PAX5: variants seen among roughly 807,000 people sequenced by gnomAD.
PAX5 encodes the protein paired box 5, also known as paired box protein Pax-5.
In PAX5, 9 loss-of-function variants were observed where a neutral mutation model predicts 43.7. The observed-to-expected ratio is 0.21, with a 90% CI of 0.12 to 0.36. The LOEUF (loss-of-function observed/expected upper bound fraction) is 0.36, where lower values mean the gene tolerates loss of function less well. Among genes scored for constraint, PAX5 ranks in the 10% least tolerant of loss-of-function variants. The probability of loss-of-function intolerance (pLI) is 1.00; values close to 1 mark genes in which losing one functional copy is unlikely to be tolerated. For synonymous variants in PAX5, 228 were observed against 214.3 expected, an observed-to-expected ratio of 1.06 and a Z score of -0.56; for missense variants, 383 against 532.7, an observed-to-expected ratio of 0.72 and a Z score of 2.77.
intron 6 of PAX5, among the ~76,000 whole-genome samples, chr9:36,943,116 G>A (rs1345685818): frequency 2.0e-5 from 3 of 152,100 alleles, no homozygotes; most frequent in African/African-American, 2.4e-5. Flanking sequence ...CAGTCCCACC[G>A]TCCCCCATCT....
intron 8 of PAX5, among the ~76,000 whole-genome samples, chr9:36,855,608 GGTAGCACTTT>G (rs1400863391): frequency 1.3e-5 from 2 of 152,158 alleles, no homozygotes; most frequent in Non-Finnish European, 2.9e-5. Flanking sequence ...AGTGCCCACA[GGTAGCACTTT>G]GTGAAGATCA....
At chr9:36,857,569 C>T (rs1454174576) in intron 8 of PAX5, among the ~76,000 whole-genome samples, 4 of 152,200 alleles carry the variant, frequency 2.6e-5, no homozygotes, top group African/African-American at 9.6e-5. Context: ...CTAGGGTATC[C>T]AGGAAAGCTT....
rs146812527 is a variant in PAX5, at chr9:36,875,373, G to T, written c.1012+6631C>A. ...CAAAACAGACATAGCCTTGATTATT[G>T]TACAGCTCTTACATACCATACAGAC... On this transcript the variant is annotated intron_variant, in intron 8 of 9. Coordinates refer to ENST00000358127, the MANE Select transcript of PAX5 (RefSeq NM_016734.3). 1.8e-3 allele frequency among the ~76,000 whole-genome samples: 280 copies of T among 152,352 alleles called. 1 individual carries two copies. Among genetic ancestry groups the T allele is most frequent in the Non-Finnish European group, 3.1e-3 (210 of 68,042 alleles).
intron 5 of PAX5, among the ~76,000 whole-genome samples, chr9:36,981,383 A>G (rs1343825488): frequency 1.3e-5 from 2 of 148,698 alleles, no homozygotes; most frequent in Non-Finnish European, 3.0e-5. Flanking sequence ...TACCTAGCAC[A>G]CATAGCAGGC....
chr9:36,930,836 C>T lies in PAX5; in HGVS notation c.781-7352G>A, dbSNP rs1036154387. The T allele has an allele frequency of 1.2e-5, 16 of 1,304,648 alleles. No homozygotes were observed. In the African/African-American group the frequency reaches 1.5e-4, roughly 12 times the overall value. The allele number at this position is 1,304,648 out of a possible 1,614,324, so 80.8% of individuals were successfully genotyped here. On this transcript the variant is annotated intron_variant, in intron 6 of 9. Transcript: ENST00000358127. ...TTCTAGCAAGGGACTCAAGGAGGCACGTGCCCCAGGAGAGTGTGCACTGGG... is the reference window on the plus strand; with the variant it reads ...TTCTAGCAAGGGACTCAAGGAGGCATGTGCCCCAGGAGAGTGTGCACTGGG...
chr9:36,957,050 G>A (rs1376667451), intron 6 of PAX5, among the ~76,000 whole-genome samples: 2 of 152,124 alleles, frequency 1.3e-5, no homozygotes, highest in South Asian at 2.1e-4. Context: ...ATAGCTCCCT[G>A]CCATGGGAGG....
chr9:36,889,830 G>A (rs908789911), intron 7 of PAX5, among the ~76,000 whole-genome samples: 5 of 150,712 alleles, frequency 3.3e-5, no homozygotes, highest in East Asian at 2.0e-4. Context: ...CCTTCATCAC[G>A]AACTCCACAA....
At chr9:36,923,767 C>T (rs1032209664) in intron 6 of PAX5, among the ~76,000 whole-genome samples, 1 of 152,194 alleles carries the variant, frequency 6.6e-6, no homozygotes, top group African/African-American at 2.4e-5. Context: ...GCATGTTGCC[C>T]TCACCCAGCT....
intron 5 of PAX5, among the ~76,000 whole-genome samples, chr9:36,995,873 C>G (rs1480392806): frequency 6.6e-6 from 1 of 152,166 alleles, no homozygotes; most frequent in Non-Finnish European, 1.5e-5. Context: ...GCCTCCACCC[C>G]CCTGTGCTCC....
intron 7 of PAX5, among the ~76,000 whole-genome samples, chr9:36,919,381 T>C (rs954571431): frequency 1.3e-5 from 2 of 152,228 alleles, no homozygotes; most frequent in African/African-American, 4.8e-5. Context: ...ACAACACCCA[T>C]TCCGTGGCCT....
intron 6 of PAX5, among the ~76,000 whole-genome samples, chr9:36,961,100 C>T (rs938848081): frequency 6.6e-6 from 1 of 152,224 alleles, no homozygotes; most frequent in African/African-American, 2.4e-5. Flanking sequence ...GGTACCCAGC[C>T]CTTTTTCTGC....
chr9:36,938,992 C>T (rs1217548114), intron 6 of PAX5, among the ~76,000 whole-genome samples: 1 of 152,168 alleles, frequency 6.6e-6, no homozygotes, highest in East Asian at 1.9e-4. Context: ...TCCTTCTCTC[C>T]CCATTAATTT....
intron 6 of PAX5, among the ~76,000 whole-genome samples, chr9:36,940,096 G>A (rs1831920762): frequency 6.6e-6 from 1 of 152,166 alleles, no homozygotes; most frequent in South Asian, 2.1e-4. Flanking sequence ...GGAGTCTGAG[G>A]CTCCCCTGCT....
chr9:37,034,112 T>TTTTTTTTTTC lies in PAX5; in HGVS notation c.-82_-81insGAAAAAAAAA. Reference sequence around the variant, plus strand: ...CCTTTTTTTTTCTTTTTTTTTTTTTTTTTTTTTTTTTTTTGGTGCCAGGGG... The same window carrying TTTTTTTTTTC: ...CCTTTTTTTTTCTTTTTTTTTTTTTTTTTTTTTTTCTTTTTTTTTTTTTTGGTGCCAGGGG... On this transcript the variant is annotated 5_prime_UTR_variant, in exon 1 of 10. Transcript: ENST00000358127. 1 of 834,834 alleles carries TTTTTTTTTTC rather than the reference T, an allele frequency of 1.2e-6. No homozygotes were observed. Among genetic ancestry groups the TTTTTTTTTTC allele is most frequent in the South Asian group, 1.7e-5 (1 of 59,400 alleles). The allele number at this position is 834,834 out of a possible 1,614,324, so 51.7% of individuals were successfully genotyped here.
intron 6 of PAX5, among the ~76,000 whole-genome samples, chr9:36,927,194 C>T (rs748125196): frequency 3.3e-5 from 5 of 152,138 alleles, no homozygotes; most frequent in African/African-American, 4.8e-5. Flanking sequence ...GGCCAGGCAG[C>T]ATCCCAGCCA....
chr9:36,861,583 A>G (rs1824218194), intron 8 of PAX5, among the ~76,000 whole-genome samples: 1 of 151,876 alleles, frequency 6.6e-6, no homozygotes, highest in Non-Finnish European at 1.5e-5. Context: ...AGAAAGAATG[A>G]AGGTAGCAAG....
At chr9:37,033,599 T>C (rs901365778) in intron 1 of PAX5, among the ~76,000 whole-genome samples, 3 of 149,168 alleles carry the variant, frequency 2.0e-5, no homozygotes, top group Non-Finnish European at 3.0e-5. Flanking sequence ...AGTATAAAGA[T>C]ACACACACAC....
At chr9:36,956,473 A>C (rs1005836892) in intron 6 of PAX5, among the ~76,000 whole-genome samples, 62 of 152,292 alleles carry the variant, frequency 4.1e-4, no homozygotes, top group African/African-American at 1.3e-3. Flanking sequence ...GACCCAGGGC[A>C]ATCTCCCACC....
chr9:36,921,410 A>G (rs1008110070), intron 7 of PAX5, among the ~76,000 whole-genome samples: 1 of 152,184 alleles, frequency 6.6e-6, no homozygotes, highest in Admixed American at 6.5e-5. Context: ...CCAGAGTCAG[A>G]CGGCAAGGCA....
Sources: gnomAD v4.1 joint callset for allele counts (sites outside exome capture counted in the v4.1 genomes callset) on GRCh38, gnomAD v4.1.1 for gene constraint, MANE v1.5 for transcripts, NCBI Gene and HGNC (gene_info 2026-07-23, HGNC 2026-07-21) for gene names.